Variants in TBCA observed in about 807,000 individuals in gnomAD.
TBCA encodes the protein tubulin-specific chaperone A.
In TBCA, 6 loss-of-function variants were observed where a neutral mutation model predicts 15.8. The ratio of observed to expected loss-of-function variants is 0.38; its 90% confidence interval spans 0.21 to 0.75. The LOEUF is 0.75. TBCA is among the 30% of genes least tolerant of loss of function. The probability of loss-of-function intolerance (pLI) is 0.46; values close to 1 mark genes in which losing one functional copy is unlikely to be tolerated. For synonymous variants in TBCA, 32 were observed against 42.3 expected, an observed-to-expected ratio of 0.76 and a Z score of 0.94; for missense variants, 90 against 131.2, an observed-to-expected ratio of 0.69 and a Z score of 1.53.
chr5:77,712,597 T>C (rs2112444649), intron 1 of TBCA, among the ~76,000 whole-genome samples: 1 of 152,256 alleles, frequency 6.6e-6, no homozygotes. Flanking sequence ...ATTTTAAAAA[T>C]CACTCATAAT....
intron 1 of TBCA, among the ~76,000 whole-genome samples, chr5:77,765,139 T>C (rs545385106): frequency 4.8e-4 from 73 of 152,340 alleles, no homozygotes; most frequent in African/African-American, 1.5e-3. Flanking sequence ...CAAATCTTTA[T>C]GTCTGGAAGA....
chr5:77,756,772 A>G (rs1747486328), intron 1 of TBCA, among the ~76,000 whole-genome samples: 1 of 152,208 alleles, frequency 6.6e-6, no homozygotes, highest in Non-Finnish European at 1.5e-5. Flanking sequence ...CCGAAAGCCA[A>G]AGAGATCAGG....
chr5:77,707,659 A>G (rs1019570587), intron 2 of TBCA, among the ~76,000 whole-genome samples: 21 of 152,312 alleles, frequency 1.4e-4, no homozygotes, highest in African/African-American at 5.1e-4. Context: ...TGTCATGAAG[A>G]CAATCACAAG....
At chr5:77,716,778 G>A (rs937754556) in intron 1 of TBCA, among the ~76,000 whole-genome samples, 3 of 152,160 alleles carry the variant, frequency 2.0e-5, no homozygotes, top group African/African-American at 7.2e-5. Flanking sequence ...ATTGTTAGGT[G>A]CCTACCCAGC....
intron 1 of TBCA, among the ~76,000 whole-genome samples, chr5:77,718,908 A>T (rs1459141233): frequency 6.6e-6 from 1 of 152,150 alleles, no homozygotes; most frequent in Non-Finnish European, 1.5e-5. Flanking sequence ...GACCACTCTA[A>T]CATCAATCCT....
intron 1 of TBCA, among the ~76,000 whole-genome samples, chr5:77,751,335 G>A (rs1747333089): frequency 6.6e-6 from 1 of 151,626 alleles, no homozygotes; most frequent in Non-Finnish European, 1.5e-5. Context: ...CTAATTTTTT[G>A]TATTTTTTAG....
chr5:77,695,651 C>G (rs114312512), intron 2 of TBCA, among the ~76,000 whole-genome samples: 2,823 of 152,258 alleles, frequency 0.019, 41 homozygotes, highest in Non-Finnish European at 0.028. Flanking sequence ...CCCAAAACAC[C>G]TAAACTTAAT....
intron 1 of TBCA, among the ~76,000 whole-genome samples, chr5:77,756,110 A>T (rs2112499795): frequency 6.6e-6 from 1 of 152,256 alleles, no homozygotes; most frequent in East Asian, 1.9e-4. Context: ...ACATTTTTTT[A>T]AAAGGAGGAA....
chr5:77,699,612 C>T (rs1478675952), intron 2 of TBCA, among the ~76,000 whole-genome samples: 1 of 152,066 alleles, frequency 6.6e-6, no homozygotes, highest in African/African-American at 2.4e-5. Context: ...TAAATACAAA[C>T]ACAAAATCAT....
At chr5:77,719,324 T>C (rs1166796968) in intron 1 of TBCA, among the ~76,000 whole-genome samples, 1 of 152,236 alleles carries the variant, frequency 6.6e-6, no homozygotes, top group Non-Finnish European at 1.5e-5. Flanking sequence ...AATTTAAATT[T>C]CTTTGATCTG....
chr5:77,722,033 T>C (rs1226623340), intron 1 of TBCA, among the ~76,000 whole-genome samples: 4 of 152,072 alleles, frequency 2.6e-5, no homozygotes, highest in Non-Finnish European at 1.5e-5. Flanking sequence ...ATAAATTATG[T>C]CTTTTATGGC....
At chr5:77,754,934 T>C (rs1376164112) in intron 1 of TBCA, among the ~76,000 whole-genome samples, 1 of 152,258 alleles carries the variant, frequency 6.6e-6, no homozygotes, top group African/African-American at 2.4e-5. Context: ...GATTATTATT[T>C]AATTTATGAG....
At chr5:77,771,167 T>C (rs1747901866) in intron 1 of TBCA, among the ~76,000 whole-genome samples, 2 of 151,974 alleles carry the variant, frequency 1.3e-5, no homozygotes. Context: ...CTAGCCTCTG[T>C]TACATACATT....
intron 1 of TBCA, among the ~76,000 whole-genome samples, chr5:77,719,775 T>A (rs1344479241): frequency 1.3e-5 from 2 of 152,164 alleles, no homozygotes; most frequent in Non-Finnish European, 2.9e-5. Flanking sequence ...ACTCATTATT[T>A]CACGAATCCT....
At chr5:77,733,235 C>T (rs1325768625) in intron 1 of TBCA, among the ~76,000 whole-genome samples, 1 of 152,102 alleles carries the variant, frequency 6.6e-6, no homozygotes, top group Non-Finnish European at 1.5e-5. Flanking sequence ...GAGCCAAGAT[C>T]GGGCTATTGC....
intron 1 of TBCA, among the ~76,000 whole-genome samples, chr5:77,771,118 C>T (rs1747900478): frequency 2.6e-5 from 4 of 151,774 alleles, no homozygotes; most frequent in Admixed American, 2.6e-4. Context: ...GAGACTCTGA[C>T]TCTGAAAAAA....
intron 1 of TBCA, among the ~76,000 whole-genome samples, chr5:77,737,404 G>A (rs1221747414): frequency 6.6e-6 from 1 of 152,130 alleles, no homozygotes; most frequent in Non-Finnish European, 1.5e-5. Flanking sequence ...TTTATGTGGT[G>A]GGAATTCTAA....
intron 1 of TBCA, among the ~76,000 whole-genome samples, chr5:77,734,787 A>G (rs1428462675): frequency 6.6e-6 from 1 of 152,228 alleles, no homozygotes; most frequent in Non-Finnish European, 1.5e-5. Context: ...CAAATCGTTC[A>G]TGAAAGGAGT....
intron 1 of TBCA, among the ~76,000 whole-genome samples, chr5:77,731,222 T>A (rs1031930195): frequency 6.6e-6 from 1 of 152,208 alleles, no homozygotes; most frequent in African/African-American, 2.4e-5. Flanking sequence ...TCTATGCCCA[T>A]TGTATAGGTG....
Sources: allele counts gnomAD v4.1 joint callset (sites outside exome capture counted in the v4.1 genomes callset), GRCh38; gene constraint gnomAD v4.1.1; transcripts MANE v1.5; gene names NCBI Gene and HGNC (gene_info 2026-07-23, HGNC 2026-07-21).